PTPRM: variants seen among roughly 807,000 people sequenced by gnomAD.
PTPRM encodes the protein protein tyrosine phosphatase receptor type M, also known as receptor-type tyrosine-protein phosphatase mu.
In PTPRM, 47 loss-of-function variants were observed where a neutral mutation model predicts 186.7. The observed-to-expected ratio is 0.25, with a 90% CI of 0.20 to 0.32. The LOEUF (loss-of-function observed/expected upper bound fraction) is 0.32, where lower values mean the gene tolerates loss of function less well. PTPRM is among the 10% of genes least tolerant of loss of function. PTPRM has a pLI of 1.00. For missense variants in PTPRM, 1,494 were observed against 1,865.0 expected (o/e 0.80, Z 3.66); for synonymous variants, 668 against 674.9 (o/e 0.99, Z 0.16).
chr18:7,862,827 A>G, intron 2 of PTPRM, among the ~76,000 whole-genome samples: 1 of 152,114 alleles, frequency 6.6e-6, no homozygotes, highest in East Asian at 1.9e-4. Flanking sequence ...ATCCCCATCA[A>G]CAGGTCTCGG....
intron 2 of PTPRM, among the ~76,000 whole-genome samples, chr18:7,842,934 A>G (rs199908699): frequency 5.3e-5 from 6 of 113,144 alleles, no homozygotes; most frequent in African/African-American, 1.7e-4. Context: ...GTGTGTGTAT[A>G]TATATATATA....
At chr18:8,127,810 G>A (rs146587921) in intron 13 of PTPRM, among the ~76,000 whole-genome samples, 15 of 152,242 alleles carry the variant, frequency 9.9e-5, no homozygotes, top group African/African-American at 3.6e-4. Flanking sequence ...CCCTAGGAGA[G>A]CTGGCCCTAC....
intron 3 of PTPRM, among the ~76,000 whole-genome samples, chr18:7,896,965 A>G (rs1289663032): frequency 2.6e-5 from 4 of 152,172 alleles, no homozygotes; most frequent in Non-Finnish European, 5.9e-5. Context: ...TGATTTTACT[A>G]CAAAGCCATG....
In PTPRM at chr18:7,952,732, G is replaced by C. The variant is rs138333875; in HGVS notation, c.839-2389G>C. 9.3e-3 allele frequency among the ~76,000 whole-genome samples: 1,399 copies of C among 149,716 alleles called. 24 individuals are homozygous for C. Among genetic ancestry groups the C allele is most frequent in the African/African-American group, 0.032 (1,307 of 40,736 alleles). On this transcript the variant is annotated intron_variant, in intron 6 of 32. Coordinates refer to ENST00000580170, the MANE Select transcript of PTPRM (RefSeq NM_001105244.2). ...AAGAAAATGTAAATGTTGGCCGGGC[G>C]TGGTGGCTCATGCCTATAATCCCAG...
intron 13 of PTPRM, among the ~76,000 whole-genome samples, chr18:8,129,981 G>C (rs771168612): frequency 6.6e-6 from 1 of 152,164 alleles, no homozygotes; most frequent in East Asian, 1.9e-4. Context: ...AGTGTGAAAC[G>C]TGTTCTTCCA....
intron 11 of PTPRM, among the ~76,000 whole-genome samples, chr18:8,103,650 A>G (rs995921575): frequency 1.3e-5 from 2 of 152,230 alleles, no homozygotes; most frequent in African/African-American, 4.8e-5. Context: ...TTAATATTCT[A>G]TCCAGACCAC....
At chr18:7,703,027 A>G (rs2039999617) in intron 1 of PTPRM, among the ~76,000 whole-genome samples, 1 of 152,142 alleles carries the variant, frequency 6.6e-6, no homozygotes, top group Admixed American at 6.5e-5. Flanking sequence ...GTTCTGTTCC[A>G]TTGGTCTATA....
chr18:8,137,817 G>A (rs74743785), intron 13 of PTPRM, among the ~76,000 whole-genome samples: 4,233 of 151,876 alleles, frequency 0.028, 99 homozygotes, highest in Middle Eastern at 0.095. Flanking sequence ...ATTCATTATC[G>A]CAGCCTCTGA....
intron 7 of PTPRM, among the ~76,000 whole-genome samples, chr18:7,976,937 A>G (rs2054988307): frequency 1.3e-5 from 2 of 150,312 alleles, no homozygotes; most frequent in Admixed American, 1.3e-4. Flanking sequence ...TTTTTTTTAA[A>G]GCTTGATTTT....
intron 19 of PTPRM, among the ~76,000 whole-genome samples, chr18:8,279,140 T>G (rs1378976342): frequency 1.3e-5 from 2 of 152,114 alleles, no homozygotes; most frequent in African/African-American, 4.8e-5. Context: ...TGAGATCCCC[T>G]TTTTTGAAGA....
intron 7 of PTPRM, among the ~76,000 whole-genome samples, chr18:8,040,861 A>C (rs1168405392): frequency 6.6e-6 from 1 of 152,202 alleles, no homozygotes; most frequent in African/African-American, 2.4e-5. Flanking sequence ...AGTTGATTAC[A>C]CCAATCAGAA....
At chr18:8,195,113 C>G (rs1197105922) in intron 14 of PTPRM, among the ~76,000 whole-genome samples, 1 of 149,848 alleles carries the variant, frequency 6.7e-6, no homozygotes, top group Non-Finnish European at 1.5e-5. Context: ...TGGGAAGTAG[C>G]TAGAATGGAG....
At chr18:7,732,825 C>A (rs2040689922) in intron 1 of PTPRM, among the ~76,000 whole-genome samples, 1 of 152,118 alleles carries the variant, frequency 6.6e-6, no homozygotes, top group African/African-American at 2.4e-5. Flanking sequence ...GACTCTTGAG[C>A]CCCATAACTG....
chr18:7,783,346 C>A (rs2042945018), intron 2 of PTPRM, among the ~76,000 whole-genome samples: 1 of 152,074 alleles, frequency 6.6e-6, no homozygotes, highest in Non-Finnish European at 1.5e-5. Context: ...TTTACTGGGA[C>A]AGAGAAACCC....
At chr18:7,655,066 G>T (rs2038815968) in intron 1 of PTPRM, among the ~76,000 whole-genome samples, 2 of 152,070 alleles carry the variant, frequency 1.3e-5, no homozygotes, top group Non-Finnish European at 2.9e-5. Context: ...TAATGATATT[G>T]ATTCTTCATA....
intron 11 of PTPRM, among the ~76,000 whole-genome samples, chr18:8,098,587 G>T (rs940295446): frequency 6.6e-6 from 1 of 151,972 alleles, no homozygotes; most frequent in African/African-American, 2.4e-5. Flanking sequence ...AGAACACCCT[G>T]CCTTTACCTT....
intron 5 of PTPRM, among the ~76,000 whole-genome samples, chr18:7,940,048 G>C (rs941839431): frequency 6.6e-6 from 1 of 152,154 alleles, no homozygotes; most frequent in Non-Finnish European, 1.5e-5. Flanking sequence ...GGTAGGGGCA[G>C]ACTCTCATGC....
chr18:7,984,498 A>G (rs1193955873), intron 7 of PTPRM, among the ~76,000 whole-genome samples: 2 of 148,312 alleles, frequency 1.3e-5, no homozygotes, highest in African/African-American at 5.0e-5. Flanking sequence ...TACCTTCGTG[A>G]TTAATATTTT....
At chr18:7,893,506 GGAA>G (rs1240014318) in intron 3 of PTPRM, among the ~76,000 whole-genome samples, 7 of 152,228 alleles carry the variant, frequency 4.6e-5, no homozygotes, top group Admixed American at 3.3e-4. Flanking sequence ...ACAAAAATGG[GGAA>G]GAAGAAGATC....
Sources: gnomAD v4.1 joint callset for allele counts (sites outside exome capture counted in the v4.1 genomes callset) on GRCh38, gnomAD v4.1.1 for gene constraint, MANE v1.5 for transcripts, NCBI Gene and HGNC (gene_info 2026-07-23, HGNC 2026-07-21) for gene names.